Variants in SNX16 observed in about 807,000 individuals in gnomAD.
The protein encoded by SNX16 is sorting nexin-16.
SNX16 carries 35 observed loss-of-function variants against 36.7 expected under a neutral mutation model. The ratio of observed to expected loss-of-function variants is 0.95; its 90% CI spans 0.73 to 1.27. The LOEUF (loss-of-function observed/expected upper bound fraction) is 1.27. Among genes scored for constraint, SNX16 ranks in the 50% most tolerant of loss-of-function variants. The pLI, the probability that SNX16 is intolerant of heterozygous loss-of-function variation, is 0.00. For synonymous variants in SNX16, 134 were observed against 132.0 expected, an observed-to-expected ratio of 1.02 and a Z score of -0.10; for missense variants, 367 against 393.6, an observed-to-expected ratio of 0.93 and a Z score of 0.57.
rs556069146 is a variant in SNX16 at position 81,810,308 on chromosome 8, A to AAG, written c.681+5016_681+5017insCT. Among the ~76,000 whole-genome samples the AAG allele has an allele frequency of 2.9e-3, 449 of 152,268 alleles. 2 individuals are homozygous for AAG. The highest frequency in any genetic ancestry group is 0.01 in the African/African-American group (434 of 41,560). ...AAGTATATGAGGGGTAGAAATGACT[A>AAG]CCTTAAATAGGGAACAGAGAAAAGT... On this transcript the variant is annotated intron_variant, in intron 5 of 7. Coordinates refer to ENST00000345957, the MANE Select transcript of SNX16 (RefSeq NM_152836.3).
chr8:81,809,851 T>C (rs189122142), intron 5 of SNX16, among the ~76,000 whole-genome samples: 6 of 152,340 alleles, frequency 3.9e-5, no homozygotes, highest in Admixed American at 3.3e-4. Flanking sequence ...AACCTTGGGT[T>C]TCTTCCAAGA....
intron 5 of SNX16, among the ~76,000 whole-genome samples, chr8:81,811,515 A>C (rs1740140839): frequency 6.6e-6 from 1 of 152,176 alleles, no homozygotes; most frequent in Admixed American, 6.6e-5. Context: ...TTTATGACCA[A>C]CTGTTGACTG....
Position 81,808,362 on chromosome 8 carries a change from G to A in SNX16, c.682-5134C>T, listed in dbSNP as rs541577512. On this transcript the variant is annotated intron_variant, in intron 5 of 7. Transcript: ENST00000345957. ...TTCATCCAGGCAAAGAGGTCGAAGT[G>A]GTTCTGGAAACTTTGGTGGTGGTTG... is the stretch of plus-strand genomic sequence containing the variant. The A allele has an allele frequency of 1.1e-5, 14 of 1,306,658 alleles. No homozygotes were observed. In the East Asian group the frequency reaches 3.2e-4, roughly 30 times the overall value. 80.9% of individuals were successfully genotyped at this position (1,306,658 alleles called of 1,614,324 possible).
At chr8:81,834,820 A>G (rs554779344) in intron 2 of SNX16, among the ~76,000 whole-genome samples, 9 of 152,240 alleles carry the variant, frequency 5.9e-5, no homozygotes, top group African/African-American at 2.2e-4. Flanking sequence ...GGCTGCTTTT[A>G]TGAGCCGTGG....
At position 81,823,915 on chromosome 8, in the gene SNX16, C is replaced by A; in HGVS notation, c.488G>T (p.Arg163Leu). Residue 163 changes from arginine (R) to leucine (L), a missense_variant, in exon 4 of 8, where the codon CGA (arginine) becomes CTA (leucine). Coordinates refer to ENST00000345957, the MANE Select transcript of SNX16 (RefSeq NM_152836.3). ...DKLKEMFPGFRLALPPKRWFK... is the reference protein window; with the variant it reads ...DKLKEMFPGFLLALPPKRWFK... ...CCAGCGTTTTGGAGGAAGTGCTAGTCGAAAACCTGGAAACATCTCTTTTAA... is the reference window on the plus strand; with the variant it reads ...CCAGCGTTTTGGAGGAAGTGCTAGTAGAAAACCTGGAAACATCTCTTTTAA... 1 of 1,610,286 alleles carries A rather than the reference C, an allele frequency of 6.2e-7. No homozygotes were observed. Among genetic ancestry groups the A allele is most frequent in the South Asian group, 1.1e-5 (1 of 90,214 alleles).
chr8:81,833,466 T>TA (rs1349741355), intron 2 of SNX16, among the ~76,000 whole-genome samples: 1 of 152,114 alleles, frequency 6.6e-6, no homozygotes, highest in South Asian at 2.1e-4. Flanking sequence ...GGATACTCTT[T>TA]AAAGTCAGCA....
At chr8:81,808,177 A>G in intron 5 of SNX16, 1 of 1,334,114 alleles carries the variant, frequency 7.5e-7, no homozygotes, top group Non-Finnish European at 1.1e-6. Flanking sequence ...AGTGATTGAA[A>G]TCATGACTGA....
chr8:81,831,262 T>G (rs1329851217), intron 2 of SNX16, among the ~76,000 whole-genome samples: 1 of 152,172 alleles, frequency 6.6e-6, no homozygotes, highest in African/African-American at 2.4e-5. Flanking sequence ...AAACTTGATG[T>G]GAGACCTAAT....
chr8:81,828,887 A>C (rs1811124694), intron 3 of SNX16, among the ~76,000 whole-genome samples: 1 of 152,154 alleles, frequency 6.6e-6, no homozygotes, highest in South Asian at 2.1e-4. Flanking sequence ...GGAAACAGAA[A>C]ATTTGGCCCT....
At chr8:81,816,747 T>G (rs755730133) in intron 4 of SNX16, among the ~76,000 whole-genome samples, 1 of 152,130 alleles carries the variant, frequency 6.6e-6, no homozygotes, top group Non-Finnish European at 1.5e-5. Context: ...TTCAGAGAGG[T>G]GAAATTACTT....
chr8:81,841,568 T>C (rs1187268234), intron 1 of SNX16: 1 of 151,508 alleles, frequency 6.6e-6, no homozygotes, highest in East Asian at 2.0e-4. Flanking sequence ...GGAGGTCGCA[T>C]ATCAATACAT....
intron 3 of SNX16, among the ~76,000 whole-genome samples, chr8:81,827,205 A>T (rs1311927735): frequency 6.6e-6 from 1 of 152,164 alleles, no homozygotes; most frequent in African/African-American, 2.4e-5. Context: ...TAAAAGATTT[A>T]TCTAAATTTC....
At chr8:81,833,361 AAGG>A (rs1387531969) in intron 2 of SNX16, among the ~76,000 whole-genome samples, 1 of 151,980 alleles carries the variant, frequency 6.6e-6, no homozygotes, top group East Asian at 1.9e-4. Flanking sequence ...GGGAGAGAAT[AAGG>A]AGGAGTTAAG....
chr8:81,809,621 A>C (rs749344248), intron 5 of SNX16, among the ~76,000 whole-genome samples: 24 of 152,250 alleles, frequency 1.6e-4, no homozygotes, highest in Non-Finnish European at 2.9e-4. Flanking sequence ...ATTAGGCTAA[A>C]ATAACAGTAA....
chr8:81,841,281 C>T (rs945467707), intron 1 of SNX16, among the ~76,000 whole-genome samples: 3 of 146,236 alleles, frequency 2.1e-5, no homozygotes, highest in African/African-American at 7.7e-5. Flanking sequence ...GCGGAGGTTG[C>T]AGTTTGCCGA....
In SNX16 at chr8:81,805,680, G is replaced by A. The variant is rs551099039; in HGVS notation, c.682-2452C>T. Among the ~76,000 whole-genome samples, 66 of 152,326 alleles carry A rather than the reference G, an allele frequency of 4.3e-4. 1 individual carries two copies. The highest frequency in any genetic ancestry group is 1.0e-3 in the South Asian group (5 of 4,832). On this transcript the variant is annotated intron_variant, in intron 5 of 7. Transcript: ENST00000345957. ...CACGCCTATAATCCCAGCACTTTGGGAGGCTGAGGCGGGCAGATCACGAGG... is the reference window on the plus strand; with the variant it reads ...CACGCCTATAATCCCAGCACTTTGGAAGGCTGAGGCGGGCAGATCACGAGG...
At chr8:81,805,168 T>C (rs945854147) in intron 5 of SNX16, among the ~76,000 whole-genome samples, 6 of 151,930 alleles carry the variant, frequency 3.9e-5, no homozygotes, top group Admixed American at 6.6e-5. Context: ...TAACCAAGAA[T>C]TGGTGTCAGA....
chr8:81,824,402 A>G (rs1810923391), intron 3 of SNX16, among the ~76,000 whole-genome samples: 1 of 152,148 alleles, frequency 6.6e-6, no homozygotes, highest in Non-Finnish European at 1.5e-5. Context: ...TGTCAGATAC[A>G]TGCATTACAA....
chr8:81,818,416 A>G (rs1810585818), intron 4 of SNX16, among the ~76,000 whole-genome samples: 1 of 152,132 alleles, frequency 6.6e-6, no homozygotes, highest in African/African-American at 2.4e-5. Flanking sequence ...CAAATGTACA[A>G]AAGTTATCTT....
Sources: allele counts gnomAD v4.1 joint callset (sites outside exome capture counted in the v4.1 genomes callset), GRCh38; gene constraint gnomAD v4.1.1; transcripts MANE v1.5; gene names NCBI Gene and HGNC (gene_info 2026-07-23, HGNC 2026-07-21).